The following CHST8 variants were observed in gnomAD, a reference collection of about 807,000 sequenced individuals.
The protein encoded by CHST8 is GALNAC-4-ST1.
CHST8 carries 10 observed loss-of-function variants against 15.0 expected under a neutral mutation model. That is an observed-to-expected ratio of 0.67 (90% CI 0.41 to 1.13). The LOEUF (loss-of-function observed/expected upper bound fraction) is 1.13, where lower values mean the gene tolerates loss of function less well. Ranked by LOEUF, CHST8 falls within the 50% of genes most tolerant of loss-of-function variation. CHST8 has a pLI of 0.00. For missense variants in CHST8, 634 were observed against 608.2 expected (o/e 1.04, Z -0.45); for synonymous variants, 259 against 256.6 (o/e 1.01, Z -0.09).
intron 3 of CHST8, among the ~76,000 whole-genome samples, chr19:33,720,751 G>A (rs898200572): frequency 6.6e-6 from 1 of 152,258 alleles, no homozygotes; most frequent in African/African-American, 2.4e-5. Flanking sequence ...AGTGTCAGGA[G>A]CCTCCAGGGC....
At chr19:33,624,625 G>A (rs745980802) in intron 1 of CHST8, among the ~76,000 whole-genome samples, 19 of 152,202 alleles carry the variant, frequency 1.2e-4, no homozygotes, top group Non-Finnish European at 2.2e-4. Flanking sequence ...TGTCTGGTGG[G>A]CTACTCTCAG....
chr19:33,708,608 G>T (rs1455618498), intron 3 of CHST8, among the ~76,000 whole-genome samples: 1 of 152,160 alleles, frequency 6.6e-6, no homozygotes, highest in East Asian at 1.9e-4. Flanking sequence ...TGCCAATAGT[G>T]CAGTGTCTTG....
chr19:33,623,403 T>C (rs907545516), intron 1 of CHST8, among the ~76,000 whole-genome samples: 11 of 152,314 alleles, frequency 7.2e-5, no homozygotes, highest in Admixed American at 4.6e-4. Flanking sequence ...CCTCTCCATC[T>C]GCTTGGCGCG....
intron 3 of CHST8, among the ~76,000 whole-genome samples, chr19:33,760,914 A>C (rs1974712044): frequency 2.6e-5 from 4 of 152,130 alleles, no homozygotes; most frequent in Admixed American, 2.6e-4. Context: ...ACACTATCCC[A>C]TTCCTGGTTA....
chr19:33,644,079 C>T (rs1203550106), intron 1 of CHST8, among the ~76,000 whole-genome samples: 3 of 152,204 alleles, frequency 2.0e-5, no homozygotes, highest in Non-Finnish European at 2.9e-5. Context: ...ACTACAGGCA[C>T]CTGCCACCAC....
At chr19:33,686,176 G>A (rs574304435) in intron 2 of CHST8, among the ~76,000 whole-genome samples, 1 of 152,136 alleles carries the variant, frequency 6.6e-6, no homozygotes, top group Non-Finnish European at 1.5e-5. Flanking sequence ...TTCTCTCGGG[G>A]GCCAGCAAAG....
intron 3 of CHST8, among the ~76,000 whole-genome samples, chr19:33,738,521 C>T (rs1486158765): frequency 2.0e-5 from 3 of 152,180 alleles, no homozygotes; most frequent in African/African-American, 7.2e-5. Context: ...GAAAGGAGCC[C>T]TTACAGCTAT....
intron 3 of CHST8, among the ~76,000 whole-genome samples, chr19:33,763,719 T>C (rs1974780118): frequency 3.3e-5 from 5 of 152,364 alleles, no homozygotes; most frequent in Admixed American, 6.5e-5. Flanking sequence ...CTGCATGTGT[T>C]GAAACTTCAG....
intron 1 of CHST8, among the ~76,000 whole-genome samples, chr19:33,635,932 A>G (rs1422547396): frequency 6.6e-6 from 1 of 152,076 alleles, no homozygotes; most frequent in African/African-American, 2.4e-5. Flanking sequence ...AAATGAATCC[A>G]TGGCGCACAC....
Position 33,772,186 on chromosome 19 carries a change from C to T in CHST8, c.398C>T (p.Pro133Leu), listed in dbSNP as rs1427073238. 1.9e-6 allele frequency: 3 copies of T among 1,597,200 alleles called. No homozygotes were observed. The highest frequency in any genetic ancestry group is 1.7e-5 in the Admixed American group (1 of 58,138). ...ATCCCGGCCAACAGCTCGGACGCGC[C>T]CTTCATCCGGCCGGGACCCGGGACG... ...ATIPANSSDAPFIRPGPGTLD... is the reference protein window; with the variant it reads ...ATIPANSSDALFIRPGPGTLD... The change falls in exon 5 of 5, where the codon CCC (proline) becomes CTC (leucine). Residue 133 changes from proline to leucine, a missense_variant. Pro to Leu is a moderately conservative substitution (Grantham distance 98). Transcript: ENST00000650847.
At chr19:33,638,112 C>T (rs2145443618) in intron 1 of CHST8, among the ~76,000 whole-genome samples, 2 of 152,230 alleles carry the variant, frequency 1.3e-5, no homozygotes, top group South Asian at 4.1e-4. Flanking sequence ...GTCAGAGCCT[C>T]ACCAATTTCA....
In CHST8 at chr19:33,765,053, C is replaced by CATATATATATATATATATATATATAT. The variant is rs72103213; in HGVS notation, c.131-6340_131-6339insATATATATATATATATATATATATAT. ...TTTTTATGGCTAAGTACTATTCCAT[C>CATATATATATATATATATATATATAT]ATATATATATATATATATATCAGAG... On this transcript the variant is annotated intron_variant, in intron 3 of 4. Coordinates refer to ENST00000650847, the MANE Select transcript of CHST8 (RefSeq NM_001127895.2). Among the ~76,000 whole-genome samples, 284 of 87,382 alleles carry CATATATATATATATATATATATATAT rather than the reference C, an allele frequency of 3.3e-3. 8 individuals are homozygous for CATATATATATATATATATATATATAT. Among genetic ancestry groups the CATATATATATATATATATATATATAT allele is most frequent in the African/African-American group, 7.3e-3 (121 of 16,544 alleles). 57.3% of individuals were successfully genotyped at this position (87,382 alleles called of 152,430 possible).
chr19:33,675,488 T>G (rs1243364947), intron 2 of CHST8, among the ~76,000 whole-genome samples: 1 of 152,196 alleles, frequency 6.6e-6, no homozygotes, highest in Non-Finnish European at 1.5e-5. Context: ...GAGCTGGGTT[T>G]TCTGTTTCTC....
intron 3 of CHST8, among the ~76,000 whole-genome samples, chr19:33,758,778 A>G (rs1974657480): frequency 6.6e-6 from 1 of 152,196 alleles, no homozygotes; most frequent in African/African-American, 2.4e-5. Context: ...CTTTTCCTGT[A>G]AACAGGCATG....
intron 3 of CHST8, among the ~76,000 whole-genome samples, chr19:33,746,161 A>AT (rs895684180): frequency 2.0e-5 from 3 of 152,170 alleles, no homozygotes; most frequent in Non-Finnish European, 2.9e-5. Flanking sequence ...CTAAAATAGC[A>AT]TTTTTTTAAA....
chr19:33,629,143 C>T (rs1972093070), intron 1 of CHST8, among the ~76,000 whole-genome samples: 1 of 152,214 alleles, frequency 6.6e-6, no homozygotes, highest in African/African-American at 2.4e-5. Flanking sequence ...CAACTTTTGC[C>T]TCCTGACTCA....
At chr19:33,634,918 A>G (rs1029278552) in intron 1 of CHST8, among the ~76,000 whole-genome samples, 1 of 151,874 alleles carries the variant, frequency 6.6e-6, no homozygotes, top group Non-Finnish European at 1.5e-5. Flanking sequence ...CCCATGTCTG[A>G]ATGACCTCCT....
intron 2 of CHST8, among the ~76,000 whole-genome samples, chr19:33,681,034 A>G (rs975955487): frequency 6.6e-6 from 1 of 152,240 alleles, no homozygotes; most frequent in Non-Finnish European, 1.5e-5. Context: ...GGATATTGAC[A>G]TTGATACGGT....
chr19:33,707,052 T>G (rs1345661999), intron 3 of CHST8, among the ~76,000 whole-genome samples: 1 of 152,166 alleles, frequency 6.6e-6, no homozygotes, highest in African/African-American at 2.4e-5. Context: ...CCCTGACTCC[T>G]CCCAAGCAGG....
Sources: gnomAD v4.1 joint callset for allele counts (sites outside exome capture counted in the v4.1 genomes callset) on GRCh38, gnomAD v4.1.1 for gene constraint, MANE v1.5 for transcripts, NCBI Gene and HGNC (gene_info 2026-07-23, HGNC 2026-07-21) for gene names.